Variants in CACNA1G observed in about 807,000 individuals in gnomAD.
CACNA1G encodes the protein voltage-dependent T-type calcium channel subunit alpha-1G.
A neutral mutation model predicts 219.4 loss-of-function variants in CACNA1G; 67 were observed. The ratio of observed to expected loss-of-function variants is 0.31; its 90% CI spans 0.25 to 0.37. CACNA1G has a LOEUF of 0.37. CACNA1G is among the 10% of genes least tolerant of loss of function. CACNA1G has a pLI of 1.00. For synonymous variants in CACNA1G, 1,296 were observed against 1,345.3 expected (o/e 0.96, Z 0.80); for missense variants, 2,380 against 3,231.4 (o/e 0.74, Z 6.39).
chr17:50,619,664 T>C lies in CACNA1G; in HGVS notation c.5782-19T>C. The C allele has an allele frequency of 6.2e-7, 1 of 1,604,600 alleles. No individual in the cohort carries two copies. The highest frequency in any genetic ancestry group is 1.1e-5 in the South Asian group (1 of 89,564). On this transcript the variant is annotated intron_variant, in intron 33 of 37. Transcript: ENST00000359106. ...TGCTCCCCTGCCTCTCCGGCTCCCC[T>C]TACGGGCTGGCTCCCCAGGACAGGC...
rs140938016 is a variant in CACNA1G at position 50,612,548 on chromosome 17, CCA to C, written c.4759+2615_4759+2616del. 5.4e-3 allele frequency among the ~76,000 whole-genome samples: 817 copies of C among 152,366 alleles called. 2 individuals are homozygous for C. The highest frequency in any genetic ancestry group is 0.01 in the Middle Eastern group (3 of 294). Reference sequence around the variant, plus strand: ...GCCGGGACCCAGTGATCAGGCCTGGCCACGGCAGCTGAAGGTGTGGCCTCTGC... The same window carrying C: ...GCCGGGACCCAGTGATCAGGCCTGGCCGGCAGCTGAAGGTGTGGCCTCTGC... On this transcript the variant is annotated intron_variant, in intron 26 of 37. Coordinates refer to ENST00000359106, the MANE Select transcript of CACNA1G (RefSeq NM_018896.5).
intron 26 of CACNA1G, among the ~76,000 whole-genome samples, chr17:50,612,525 C>A (rs1006108942): frequency 6.6e-6 from 1 of 152,240 alleles, no homozygotes. Context: ...TCCACCAGGC[C>A]GGGACCCAGT....
intron 13 of CACNA1G, among the ~76,000 whole-genome samples, chr17:50,592,772 C>T (rs1026972354): frequency 4.6e-5 from 7 of 152,326 alleles, no homozygotes; most frequent in Non-Finnish European, 7.3e-5. Flanking sequence ...CCCAGACCCA[C>T]CCCAGCTTGC....
chr17:50,569,589 A>T, intron 3 of CACNA1G, 117 bp from the exon 4 acceptor site: 1 of 746,450 alleles, frequency 1.3e-6, no homozygotes, highest in African/African-American at 1.7e-5. Context: ...CTTGGTGAAG[A>T]AGAAGAAGGA....
In CACNA1G at chr17:50,618,376, A is replaced by C; in HGVS notation, c.5427+33A>C. 1.2e-6 allele frequency: 2 copies of C among 1,604,482 alleles called. No homozygotes were observed. Among genetic ancestry groups the C allele is most frequent in the Non-Finnish European group, 1.7e-6 (2 of 1,173,674 alleles). ...CCCAGGGTTGGCCTAGGCTCCAGGG[A>C]GGCAGCCCCACTTCCTGAGCTAGGA... On this transcript the variant is annotated intron_variant, in intron 32 of 37. Transcript: ENST00000359106. This position sits in a 1 kb window ranked among gnomAD's most constrained non-coding sequence, Gnocchi z 5.3.
chr17:50,583,239 G>A (rs1254365775), intron 9 of CACNA1G, among the ~76,000 whole-genome samples: 1 of 152,128 alleles, frequency 6.6e-6, no homozygotes, highest in Non-Finnish European at 1.5e-5. Flanking sequence ...GCAGAGCTTT[G>A]GGGGATGATC....
chr17:50,571,727 C>A lies in CACNA1G; in HGVS notation c.587-151C>A. On this transcript the variant is annotated intron_variant, in intron 4 of 37. Coordinates refer to ENST00000359106, the MANE Select transcript of CACNA1G (RefSeq NM_018896.5). The surrounding 1 kb of genome is among the most constrained non-coding windows in gnomAD (Gnocchi z 4.3). ...GGGCTGCAGAGGCTATCTGGGGAGT[C>A]AGAGGTGTCTGTTGGTCTCCCCTCC... is the stretch of plus-strand genomic sequence containing the variant. 1.4e-6 allele frequency: 1 copy of A among 704,544 alleles called. No homozygotes were observed. Among genetic ancestry groups the A allele is most frequent in the Non-Finnish European group, 2.4e-6 (1 of 422,666 alleles). The allele number at this position is 704,544 out of a possible 1,614,324, so 43.6% of individuals were successfully genotyped here. A position where few individuals can be genotyped will look rare whatever the true frequency, so the allele number is the denominator to read the frequency against.
chr17:50,587,666 G>A (rs1225717371), intron 9 of CACNA1G, among the ~76,000 whole-genome samples: 5 of 152,248 alleles, frequency 3.3e-5, no homozygotes, highest in South Asian at 2.1e-4. Context: ...AGGCAGGGCC[G>A]AGGGAGTGCG....
At chr17:50,622,727 C>A (rs773717911) in intron 35 of CACNA1G, among the ~76,000 whole-genome samples, 13 of 152,156 alleles carry the variant, frequency 8.5e-5, no homozygotes, top group Non-Finnish European at 8.8e-5. Flanking sequence ...AAACTAGGCT[C>A]CCTCATGCTG....
At chr17:50,583,960 C>G (rs1049167238) in intron 9 of CACNA1G, among the ~76,000 whole-genome samples, 2 of 152,034 alleles carry the variant, frequency 1.3e-5, no homozygotes, top group Non-Finnish European at 2.9e-5. Flanking sequence ...GTGGGTAGGA[C>G]GCAATTTCAC....
chr17:50,620,998 A>G (rs1181319134), intron 34 of CACNA1G, among the ~76,000 whole-genome samples: 1 of 152,222 alleles, frequency 6.6e-6, no homozygotes, highest in Non-Finnish European at 1.5e-5. Context: ...ATGGTGTGGC[A>G]GCCCACCCGA....
chr17:50,611,249 AT>A (rs1418120550), intron 26 of CACNA1G, among the ~76,000 whole-genome samples: 2,025 of 70,240 alleles, frequency 0.029, 53 homozygotes, highest in African/African-American at 0.11. Flanking sequence ...GCGAGACTCC[AT>A]TTAAAAAAAA....
chr17:50,614,266 T>C (rs1050115972), intron 26 of CACNA1G, among the ~76,000 whole-genome samples: 4 of 152,232 alleles, frequency 2.6e-5, no homozygotes, highest in African/African-American at 9.6e-5. Context: ...CTAAGCCAGC[T>C]ACCCCCTGGC....
rs987359196 is a variant in CACNA1G, at chr17:50,561,007, T to A, written c.-453T>A. ...GCCTGGCGCGGAGCCGGGACGATGC[T>A]GACCCCTTAGATCCGGCTCCAGCTG... is the stretch of plus-strand genomic sequence containing the variant. On this transcript the variant is annotated 5_prime_UTR_variant, in exon 1 of 38. Transcript: ENST00000359106. 1 of 297,396 alleles carries A rather than the reference T, an allele frequency of 3.4e-6. No homozygotes were observed. The highest frequency in any genetic ancestry group is 6.5e-6 in the Non-Finnish European group (1 of 153,652). 18.4% of individuals were successfully genotyped at this position (297,396 alleles called of 1,614,324 possible).
intron 8 of CACNA1G, among the ~76,000 whole-genome samples, chr17:50,577,763 G>A (rs148429281): frequency 1.2e-3 from 179 of 152,210 alleles, no homozygotes; most frequent in Non-Finnish European, 2.1e-3. Flanking sequence ...AGGTGCACGT[G>A]TCTGGTGTGG....
At chr17:50,595,782 G>T (rs1456603372) in intron 14 of CACNA1G, among the ~76,000 whole-genome samples, 1 of 152,264 alleles carries the variant, frequency 6.6e-6, no homozygotes, top group Admixed American at 6.5e-5. Context: ...GCCCCCTGGA[G>T]ATCCCACTTG....
rs984161339 is a variant in CACNA1G at position 50,615,277 on chromosome 17, C to T, written c.4760-84C>T. On this transcript the variant is annotated intron_variant, in intron 26 of 37. Coordinates refer to ENST00000359106, the MANE Select transcript of CACNA1G (RefSeq NM_018896.5). Reference sequence around the variant, plus strand: ...AATGTTTCAGTTCTGGCGTTAGAGGCTGGTGGCTGTGAGGGACTGGGGGTG... The same window carrying T: ...AATGTTTCAGTTCTGGCGTTAGAGGTTGGTGGCTGTGAGGGACTGGGGGTG... The T allele has an allele frequency of 4.7e-6, 6 of 1,273,866 alleles. No individual in the cohort carries two copies. The African/African-American group carries it at 5.1e-5, about 11-fold the overall frequency. 78.9% of individuals were successfully genotyped at this position (1,273,866 alleles called of 1,614,324 possible).
At chr17:50,577,610 T>C (rs952295135) in intron 8 of CACNA1G, among the ~76,000 whole-genome samples, 3 of 151,650 alleles carry the variant, frequency 2.0e-5, no homozygotes, top group African/African-American at 7.3e-5. Context: ...TGTGTGTGCA[T>C]GTGTGCATAT....
intron 26 of CACNA1G, among the ~76,000 whole-genome samples, chr17:50,613,931 AACAGAGCC>A (rs2049854016): frequency 6.6e-6 from 1 of 152,168 alleles, no homozygotes; most frequent in Non-Finnish European, 1.5e-5. Flanking sequence ...TTCTCGAACA[AACAGAGCC>A]ACAGTTGGCT....
Sources: allele counts gnomAD v4.1 joint callset (sites outside exome capture counted in the v4.1 genomes callset), GRCh38; gene constraint gnomAD v4.1.1; non-coding constraint Gnocchi (gnomAD v3.1); transcripts MANE v1.5; gene names NCBI Gene and HGNC (gene_info 2026-07-23, HGNC 2026-07-21).